Variants in NEBL observed in about 807,000 individuals in gnomAD.
NEBL encodes LIM and SH3 protein 2.
A neutral mutation model predicts 140.2 loss-of-function variants in NEBL; 122 were observed. The ratio of observed to expected loss-of-function variants is 0.87; its 90% CI spans 0.75 to 1.01. NEBL has a LOEUF of 1.01. Ranked by LOEUF, NEBL falls within the 50% of genes least tolerant of loss-of-function variation. The pLI is 0.00. For missense variants in NEBL, 1,365 were observed against 1,231.3 expected, an observed-to-expected ratio of 1.11 and a Z score of -1.62; for synonymous variants, 436 against 398.9, an observed-to-expected ratio of 1.09 and a Z score of -1.11.
chr10:20,951,154 C>T (rs929987098), intron 4 of NEBL, among the ~76,000 whole-genome samples: 2 of 152,052 alleles, frequency 1.3e-5, no homozygotes, highest in Non-Finnish European at 2.9e-5. Context: ...TTGATATAGC[C>T]ACAAAAGGAA....
chr10:21,251,609 A>G (rs1842589828), intron 2 of NEBL, among the ~76,000 whole-genome samples: 1 of 152,160 alleles, frequency 6.6e-6, no homozygotes, highest in African/African-American at 2.4e-5. Flanking sequence ...CAATTCCCCA[A>G]AAATGTGTAT....
At chr10:20,799,593 C>T (rs913161502) in intron 26 of NEBL, among the ~76,000 whole-genome samples, 2 of 152,164 alleles carry the variant, frequency 1.3e-5, no homozygotes, top group East Asian at 1.9e-4. Context: ...GCAAATAACA[C>T]TCAAATATAG....
At chr10:20,801,821 G>A (rs1837152914) in intron 26 of NEBL, among the ~76,000 whole-genome samples, 4 of 152,058 alleles carry the variant, frequency 2.6e-5, no homozygotes, top group African/African-American at 4.8e-5. Flanking sequence ...TCTTGAATAC[G>A]TATTACATGG....
At chr10:20,865,217 G>A (rs1051790507) in intron 7 of NEBL, among the ~76,000 whole-genome samples, 1 of 150,668 alleles carries the variant, frequency 6.6e-6, no homozygotes, top group Non-Finnish European at 1.5e-5. Flanking sequence ...ATCTAAAAAT[G>A]TAGAACAGAA....
chr10:21,048,461 A>AAT (rs1309193649), intron 2 of NEBL, among the ~76,000 whole-genome samples: 2 of 151,900 alleles, frequency 1.3e-5, no homozygotes, highest in Non-Finnish European at 2.9e-5. Context: ...CAAAAAAAAA[A>AAT]AAAAAAAACC....
At chr10:21,011,748 C>A (rs1397541958) in intron 3 of NEBL, among the ~76,000 whole-genome samples, 1 of 152,162 alleles carries the variant, frequency 6.6e-6, no homozygotes, top group Non-Finnish European at 1.5e-5. Flanking sequence ...CCTAGCGGTA[C>A]CCCCTGAAGA....
Position 20,894,769 on chromosome 10 carries a change from AT to A in NEBL, c.153+2188del, listed in dbSNP as rs1200456919. Among the ~76,000 whole-genome samples, 1,226 of 144,562 alleles carry A rather than the reference AT, an allele frequency of 8.5e-3. 17 individuals are homozygous for A. The highest frequency in any genetic ancestry group is 0.03 in the African/African-American group (1,153 of 38,532). 94.8% of individuals were successfully genotyped at this position (144,562 alleles called of 152,430 possible). On this transcript the variant is annotated intron_variant, in intron 2 of 27. Transcript: ENST00000377122. ...CTCTACTAAAAAAAAAAAAAAAAAA[AT>A]ACAAAAAAATTAGCCGGGCTTAGTG...
At chr10:21,201,467 G>A (rs773433256) in intron 3 of NEBL, among the ~76,000 whole-genome samples, 1 of 152,148 alleles carries the variant, frequency 6.6e-6, no homozygotes, top group Non-Finnish European at 1.5e-5. Flanking sequence ...TAGGAAGCAG[G>A]GATGGATACA....
rs955763322 is a variant in NEBL, at chr10:21,193,963, T to G, written n.349-21486A>C. On this transcript the variant is annotated intron_variant and non_coding_transcript_variant, in intron 3 of 8. Transcript: ENST00000675702. ...AGAATGTAGCTTCCCAAAACTAAAA[T>G]GTATTTTTAAAATTTATTTATTATT... Among the ~76,000 whole-genome samples, 5 of 152,306 alleles carry G rather than the reference T, an allele frequency of 3.3e-5. No homozygotes were observed. The South Asian group carries it at 6.2e-4, about 19-fold the overall frequency.
chr10:21,017,987 ATTTTTGT>A (rs1838625687), intron 3 of NEBL, among the ~76,000 whole-genome samples: 1 of 151,888 alleles, frequency 6.6e-6, no homozygotes, highest in Non-Finnish European at 1.5e-5. Context: ...CTCCCAGCTA[ATTTTTGT>A]ATTTTTTTGT....
intron 2 of NEBL, among the ~76,000 whole-genome samples, chr10:21,123,605 C>G (rs1414441691): frequency 1.3e-5 from 2 of 152,014 alleles, no homozygotes; most frequent in African/African-American, 4.8e-5. Context: ...TTCTTCTCCC[C>G]ACCTGGCTCC....
chr10:21,150,686 CT>C (rs1324430535), intron 2 of NEBL, among the ~76,000 whole-genome samples: 2 of 152,164 alleles, frequency 1.3e-5, no homozygotes, highest in East Asian at 1.9e-4. Flanking sequence ...CCTAATTAAT[CT>C]TTATAGTAAT....
At chr10:21,066,586 GCAAA>G (rs1339734989) in intron 2 of NEBL, among the ~76,000 whole-genome samples, 2 of 152,136 alleles carry the variant, frequency 1.3e-5, no homozygotes, top group Non-Finnish European at 2.9e-5. Context: ...AATGGCCAAA[GCAAA>G]CAGAGAATCA....
chr10:21,123,678 G>C (rs1838682523), intron 2 of NEBL, among the ~76,000 whole-genome samples: 1 of 151,292 alleles, frequency 6.6e-6, no homozygotes, highest in Non-Finnish European at 1.5e-5. Flanking sequence ...ACTTCATCCA[G>C]TCTATAGTTC....
intron 3 of NEBL, among the ~76,000 whole-genome samples, chr10:20,993,027 C>T (rs1362926774): frequency 1.3e-5 from 2 of 151,832 alleles, no homozygotes; most frequent in Non-Finnish European, 2.9e-5. Context: ...TCATGATCTG[C>T]CCGCCTCGGC....
intron 4 of NEBL, among the ~76,000 whole-genome samples, chr10:20,913,660 T>C (rs895876072): frequency 1.3e-5 from 2 of 152,190 alleles, no homozygotes; most frequent in African/African-American, 4.8e-5. Flanking sequence ...CAGCATCAGA[T>C]GGTATATTTG....
chr10:20,896,901 C>G, intron 2 of NEBL, 57 bp downstream of exon 2: 1 of 1,402,962 alleles, frequency 7.1e-7, no homozygotes, highest in African/African-American at 1.4e-5. Context: ...GACTCTATAA[C>G]ATAATAATAC....
At chr10:20,911,415 G>A (rs887444171) in intron 4 of NEBL, among the ~76,000 whole-genome samples, 9 of 152,110 alleles carry the variant, frequency 5.9e-5, no homozygotes, top group African/African-American at 2.2e-4. Context: ...TGTGAAAATG[G>A]CTGAAACCCA....
intron 2 of NEBL, among the ~76,000 whole-genome samples, chr10:21,094,013 A>C (rs376686844): frequency 3.3e-5 from 5 of 152,230 alleles, no homozygotes; most frequent in East Asian, 3.8e-4. Context: ...GGTTTGACAC[A>C]TTAAGCATCA....
Sources: allele counts gnomAD v4.1 joint callset (sites outside exome capture counted in the v4.1 genomes callset), GRCh38; gene constraint gnomAD v4.1.1; transcripts MANE v1.5; gene names NCBI Gene and HGNC (gene_info 2026-07-23, HGNC 2026-07-21).